CNTN1: variants seen among roughly 807,000 people sequenced by gnomAD.
The protein encoded by CNTN1 is contactin-1.
Under a neutral mutation model 126.4 loss-of-function variants are expected in CNTN1, and 38 were observed. The ratio of observed to expected loss-of-function variants is 0.30; its 90% confidence interval spans 0.23 to 0.39. The LOEUF (loss-of-function observed/expected upper bound fraction) is 0.39, where lower values mean the gene tolerates loss of function less well. Ranked by LOEUF, CNTN1 falls within the 10% of genes least tolerant of loss-of-function variation. The pLI, the probability that CNTN1 is intolerant of heterozygous loss-of-function variation, is 1.00. For synonymous variants in CNTN1, 413 were observed against 422.6 expected, an observed-to-expected ratio of 0.98 and a Z score of 0.28; for missense variants, 1,009 against 1,248.4, an observed-to-expected ratio of 0.81 and a Z score of 2.89.
intron 14 of CNTN1, among the ~76,000 whole-genome samples, chr12:40,953,585 T>A (rs11179174): frequency 0.061 from 9,241 of 152,228 alleles, 537 homozygotes; most frequent in African/African-American, 0.15. Context: ...AGAATAAACA[T>A]TACAGTTGCT....
intron 1 of CNTN1, among the ~76,000 whole-genome samples, chr12:40,831,359 A>G (rs1941833707): frequency 6.6e-6 from 1 of 151,954 alleles, no homozygotes; most frequent in African/African-American, 2.4e-5. Context: ...ATCAGAGCTT[A>G]TGTTTAGACA....
chr12:40,932,852 C>A (rs141475863), intron 7 of CNTN1, among the ~76,000 whole-genome samples: 64 of 152,074 alleles, frequency 4.2e-4, no homozygotes, highest in African/African-American at 1.5e-3. Context: ...TAAACAATGC[C>A]TTTCACCTTT....
At chr12:40,724,684 A>G (rs1193306692) in intron 1 of CNTN1, among the ~76,000 whole-genome samples, 2 of 152,218 alleles carry the variant, frequency 1.3e-5, no homozygotes, top group African/African-American at 2.4e-5. Flanking sequence ...AGATAGTAAT[A>G]TTTAAAATAA....
chr12:41,042,927 T>C (rs1175329700), intron 23 of CNTN1, among the ~76,000 whole-genome samples: 2 of 152,162 alleles, frequency 1.3e-5, no homozygotes, highest in Middle Eastern at 3.2e-3. Context: ...TAAATGGTGC[T>C]GGGAAAACTG....
chr12:40,989,635 T>A (rs1238241287), intron 16 of CNTN1, among the ~76,000 whole-genome samples: 1 of 152,208 alleles, frequency 6.6e-6, no homozygotes, highest in Non-Finnish European at 1.5e-5. Context: ...TGAGACACTG[T>A]CCACTCTAAA....
At chr12:40,792,282 C>T (rs1431098779) in intron 1 of CNTN1, among the ~76,000 whole-genome samples, 1 of 151,988 alleles carries the variant, frequency 6.6e-6, no homozygotes, top group Non-Finnish European at 1.5e-5. Context: ...TACCTAAACT[C>T]CTTGAACCAC....
chr12:41,014,881 A>G (rs918281008), intron 18 of CNTN1, among the ~76,000 whole-genome samples: 2 of 152,066 alleles, frequency 1.3e-5, no homozygotes, highest in Non-Finnish European at 2.9e-5. Flanking sequence ...AATAGGAAAG[A>G]TATTGGGAGG....
chr12:40,955,967 G>A (rs911567001), intron 14 of CNTN1, among the ~76,000 whole-genome samples: 11 of 152,048 alleles, frequency 7.2e-5, no homozygotes, highest in African/African-American at 2.7e-4. Context: ...TGTGGCTGGG[G>A]CACAGGAGTT....
chr12:40,736,769 G>T (rs1479468749), intron 1 of CNTN1, among the ~76,000 whole-genome samples: 1 of 152,000 alleles, frequency 6.6e-6, no homozygotes, highest in Non-Finnish European at 1.5e-5. Context: ...ATGTCTTAGA[G>T]AACAGACAAA....
chr12:40,807,014 T>C (rs971819333), intron 1 of CNTN1, among the ~76,000 whole-genome samples: 1 of 152,132 alleles, frequency 6.6e-6, no homozygotes, highest in Non-Finnish European at 1.5e-5. Flanking sequence ...CTATCAGTCA[T>C]ATTGATGTAG....
chr12:40,959,943 A>G (rs1009636239), intron 15 of CNTN1, among the ~76,000 whole-genome samples: 1 of 151,798 alleles, frequency 6.6e-6, no homozygotes, highest in Non-Finnish European at 1.5e-5. Flanking sequence ...CATGTAACCA[A>G]CTCCAACCAT....
At chr12:40,931,197 T>C (rs1441441504) in intron 7 of CNTN1, among the ~76,000 whole-genome samples, 1 of 152,024 alleles carries the variant, frequency 6.6e-6, no homozygotes, top group African/African-American at 2.4e-5. Context: ...CAATGCAATT[T>C]TGAATTATTA....
rs553405532 is a variant in CNTN1, at chr12:40,857,716, C to T, written c.-76-50641C>T. Among the ~76,000 whole-genome samples the T allele has an allele frequency of 1.9e-3, 290 of 152,186 alleles. 1 individual carries two copies. The highest frequency in any genetic ancestry group is 3.2e-3 in the Non-Finnish European group (216 of 67,986). On this transcript the variant is annotated intron_variant, in intron 1 of 23. Transcript: ENST00000551295. ...TGCATACTCATACAAAAGAAAATCT[C>T]GGAAAAGTCAGTCATTGTCACCTTC... is the stretch of plus-strand genomic sequence containing the variant.
intron 1 of CNTN1, among the ~76,000 whole-genome samples, chr12:40,812,209 T>A (rs1240277835): frequency 1.3e-5 from 2 of 152,108 alleles, no homozygotes; most frequent in Non-Finnish European, 2.9e-5. Context: ...AGTCTTTCTG[T>A]TATTATTGAC....
intron 1 of CNTN1, among the ~76,000 whole-genome samples, chr12:40,842,906 T>G (rs1371757625): frequency 6.6e-6 from 1 of 152,142 alleles, no homozygotes; most frequent in Non-Finnish European, 1.5e-5. Context: ...TGTTTTTTAA[T>G]GACGAAAATG....
chr12:40,906,087 C>T (rs1481743986), intron 1 of CNTN1, among the ~76,000 whole-genome samples: 2 of 152,012 alleles, frequency 1.3e-5, no homozygotes. Flanking sequence ...CATCCTAACA[C>T]GGTGAAACCC....
rs868275931 is a variant in CNTN1, at chr12:41,029,155, C to T, written c.2916C>T (p.Tyr972=). The change falls in exon 23 of 24, where the codon TAC becomes TAT. Residue 972 remains tyrosine (Y), a synonymous_variant. Transcript: ENST00000551295. ...IEVPIPRDGE[Y]VVEVRAHSDG... Reference sequence around the variant, plus strand: ...TCCCAATCCCCAGAGATGGAGAATACGTTGTGGAGGTTCGCGCGCACAGTG... The same window carrying T: ...TCCCAATCCCCAGAGATGGAGAATATGTTGTGGAGGTTCGCGCGCACAGTG... 8 of 1,614,018 alleles carry T rather than the reference C, an allele frequency of 5.0e-6. No homozygotes were observed. Among genetic ancestry groups the T allele is most frequent in the Non-Finnish European group, 5.1e-6 (6 of 1,179,986 alleles).
At chr12:40,702,433 A>G (rs1001789326) in intron 1 of CNTN1, among the ~76,000 whole-genome samples, 2 of 152,140 alleles carry the variant, frequency 1.3e-5, no homozygotes, top group East Asian at 3.9e-4. Context: ...TTTCAAATTT[A>G]TTAGACATTC....
intron 13 of CNTN1, 71 bp downstream of exon 13, chr12:40,943,795 C>A: frequency 6.5e-7 from 1 of 1,547,306 alleles, no homozygotes; most frequent in Non-Finnish European, 8.9e-7. Context: ...AGCATCTAAA[C>A]AGTCAATGTA....
Sources: gnomAD v4.1 joint callset for allele counts (sites outside exome capture counted in the v4.1 genomes callset) on GRCh38, gnomAD v4.1.1 for gene constraint, MANE v1.5 for transcripts, NCBI Gene and HGNC (gene_info 2026-07-23, HGNC 2026-07-21) for gene names.